Variants in CHLSN observed in about 807,000 individuals in gnomAD.
The protein encoded by CHLSN is protein cholesin.
At chr7:986,967 G>T in the CHLSN span, 1 of 1,337,692 alleles carries the variant, frequency 7.5e-7, no homozygotes, top group Non-Finnish European at 9.9e-7. Flanking sequence ...GGCATCCATA[G>T]TGCCTGCCTC....
the CHLSN span, among the ~76,000 whole-genome samples, chr7:1,042,013 A>G: frequency 9.2e-5 from 14 of 152,310 alleles, no homozygotes; most frequent in African/African-American, 3.1e-4. Flanking sequence ...GCTGCATCAC[A>G]GCAGCCTCGG....
At chr7:999,987 A>G in the CHLSN span, among the ~76,000 whole-genome samples, 2 of 152,222 alleles carry the variant, frequency 1.3e-5, no homozygotes, top group Admixed American at 1.3e-4. Flanking sequence ...CATCACGCGC[A>G]CACACGTGTA....
At chr7:982,150 C>T in the CHLSN span, among the ~76,000 whole-genome samples, 13 of 152,230 alleles carry the variant, frequency 8.5e-5, no homozygotes, top group East Asian at 5.8e-4. Flanking sequence ...ACTCCCTCCC[C>T]GCCGCAGCCG....
the CHLSN span, among the ~76,000 whole-genome samples, chr7:1,003,924 TGGAGTCCTGTGGGTGG>T: frequency 2.3e-5 from 1 of 43,278 alleles, no homozygotes; most frequent in Non-Finnish European, 4.4e-5. Flanking sequence ...TGTGGGTGAG[TGGAGTCCTGTGGGTGG>T]GGAGTCCTGT....
the CHLSN span, chr7:1,086,754 G>T: frequency 6.4e-6 from 1 of 155,194 alleles, no homozygotes; most frequent in Non-Finnish European, 1.4e-5. Context: ...GGGGGGAGGG[G>T]GAAGGGGGGA....
At chr7:1,018,680 G>A in the CHLSN span, among the ~76,000 whole-genome samples, 1 of 152,208 alleles carries the variant, frequency 6.6e-6, no homozygotes, top group Non-Finnish European at 1.5e-5. Flanking sequence ...AGTGCTTTGG[G>A]AGGCCAAGGT....
At chr7:1,104,443 G>A in the CHLSN span, among the ~76,000 whole-genome samples, 24 of 152,210 alleles carry the variant, frequency 1.6e-4, no homozygotes, top group Admixed American at 1.3e-4. Flanking sequence ...GCAAATGAAA[G>A]CTCAGACACC....
At chr7:985,205 C>A in the CHLSN span, 1 of 1,563,504 alleles carries the variant, frequency 6.4e-7, no homozygotes, top group Non-Finnish European at 8.7e-7. Context: ...TGGGCTCCCT[C>A]CAATATCACC....
chr7:1,032,527 C>T, the CHLSN span, among the ~76,000 whole-genome samples: 1 of 151,142 alleles, frequency 6.6e-6, no homozygotes, highest in Admixed American at 6.6e-5. Flanking sequence ...CCGCCAGGCA[C>T]CCCCAGGTGA....
At chr7:1,078,977 G>A in the CHLSN span, among the ~76,000 whole-genome samples, 1 of 62,338 alleles carries the variant, frequency 1.6e-5, no homozygotes. Context: ...AGGAGGCAGC[G>A]AGGCAGCGGG....
the CHLSN span, among the ~76,000 whole-genome samples, chr7:1,118,920 A>G: frequency 7.9e-5 from 12 of 151,956 alleles, no homozygotes; most frequent in African/African-American, 2.7e-4. Context: ...AAATTACGGT[A>G]TAACAAGACA....
At chr7:1,098,126 T>C in the CHLSN span, among the ~76,000 whole-genome samples, 1 of 152,044 alleles carries the variant, frequency 6.6e-6, no homozygotes, top group South Asian at 2.1e-4. Context: ...CAATGCCTCT[T>C]AGGAAGCCCA....
chr7:1,112,424 G>A, the CHLSN span, among the ~76,000 whole-genome samples: 6 of 152,208 alleles, frequency 3.9e-5, no homozygotes, highest in African/African-American at 4.8e-5. Context: ...GCCTGGCAAG[G>A]TGGCTGGGAC....
the CHLSN span, among the ~76,000 whole-genome samples, chr7:978,097 C>G: frequency 6.6e-6 from 1 of 152,172 alleles, no homozygotes; most frequent in African/African-American, 2.4e-5. Context: ...CCCCGAGGGA[C>G]CTGTGGCCTG....
the CHLSN span, among the ~76,000 whole-genome samples, chr7:1,096,735 T>C: frequency 7.9e-5 from 12 of 152,196 alleles, no homozygotes; most frequent in Non-Finnish European, 1.6e-4. This position sits in a 1 kb window ranked among gnomAD's most constrained non-coding sequence, Gnocchi z 4.6. Flanking sequence ...TCCTCGTTCT[T>C]TGTGCTTAAC....
the CHLSN span, among the ~76,000 whole-genome samples, chr7:1,008,843 G>A: frequency 3.3e-4 from 28 of 84,334 alleles, no homozygotes; most frequent in Admixed American, 1.7e-3. Context: ...GTATACACAC[G>A]CACACACGTA....
the CHLSN span, chr7:1,093,404 A>G: frequency 5.3e-5 from 24 of 453,196 alleles, no homozygotes; most frequent in East Asian, 1.1e-3. Flanking sequence ...GAAGGAAAAC[A>G]TGCTGCTCTG....
chr7:1,116,358 A>G, the CHLSN span, among the ~76,000 whole-genome samples: 66 of 132,262 alleles, frequency 5.0e-4, 2 homozygotes, highest in East Asian at 1.2e-3. Context: ...TGACATCACT[A>G]CAGCTCTAGG....
the CHLSN span, chr7:1,074,630 C>T: frequency 1.3e-5 from 2 of 152,290 alleles, no homozygotes; most frequent in Admixed American, 1.3e-4. Flanking sequence ...ACGCCTTCCT[C>T]AGAAACACTG....
Sources: gnomAD v4.1 joint callset for allele counts (sites outside exome capture counted in the v4.1 genomes callset) on GRCh38, gnomAD v4.1.1 for gene constraint, Gnocchi (gnomAD v3.1) non-coding constraint, MANE v1.5 for transcripts, NCBI Gene and HGNC (gene_info 2026-07-23, HGNC 2026-07-21) for gene names.